The following XYLT1 variants were observed in gnomAD, a reference collection of about 807,000 sequenced individuals.
XYLT1 encodes xylosyltransferase 1.
In XYLT1, 36 loss-of-function variants were observed where a neutral mutation model predicts 91.3. That is an observed-to-expected ratio of 0.39 (90% CI 0.30 to 0.52). The LOEUF is 0.52. Ranked by LOEUF, XYLT1 falls within the 20% of genes least tolerant of loss-of-function variation. The pLI is 0.68. For missense variants in XYLT1, 1,242 were observed against 1,284.5 expected (o/e 0.97, Z 0.51); for synonymous variants, 588 against 532.0 (o/e 1.11, Z -1.45).
chr16:17,111,698 G>A (rs533230397), intron 11 of XYLT1, among the ~76,000 whole-genome samples: 15 of 152,306 alleles, frequency 9.8e-5, no homozygotes, highest in Non-Finnish European at 1.8e-4. Flanking sequence ...AGACAAGATC[G>A]CCACTCCTTC....
At chr16:17,457,973 T>C (rs918067019) in intron 1 of XYLT1, among the ~76,000 whole-genome samples, 3 of 152,226 alleles carry the variant, frequency 2.0e-5, no homozygotes, top group Non-Finnish European at 4.4e-5. Context: ...AAAGAAAGGA[T>C]GCTTAATGAG....
At chr16:17,322,538 T>C (rs1462325343) in intron 2 of XYLT1, among the ~76,000 whole-genome samples, 2 of 152,172 alleles carry the variant, frequency 1.3e-5, no homozygotes, top group Non-Finnish European at 2.9e-5. Context: ...CTGCCTCTAA[T>C]AGAGCAATGA....
rs1053025923 is a variant in XYLT1 at position 17,353,528 on chromosome 16, G to A, written c.402+4484C>T. Among the ~76,000 whole-genome samples the A allele has an allele frequency of 2.0e-5, 3 of 152,154 alleles. No homozygotes were observed. The East Asian group carries it at 5.8e-4, about 29-fold the overall frequency. On this transcript the variant is annotated intron_variant, in intron 2 of 11. Transcript: ENST00000261381. Reference sequence around the variant, plus strand: ...ATGCGCAGGGACATGTTTTGCTTTTGTTCTTTTAAAATAAATTTTCATTCG... The same window carrying A: ...ATGCGCAGGGACATGTTTTGCTTTTATTCTTTTAAAATAAATTTTCATTCG...
intron 3 of XYLT1, among the ~76,000 whole-genome samples, chr16:17,245,462 C>A (rs972021270): frequency 1.3e-5 from 2 of 152,200 alleles, no homozygotes; most frequent in East Asian, 3.9e-4. Flanking sequence ...CTCAAAATTG[C>A]GAAGAATAAA....
At chr16:17,438,661 G>A (rs946515057) in intron 1 of XYLT1, among the ~76,000 whole-genome samples, 8 of 152,028 alleles carry the variant, frequency 5.3e-5, no homozygotes, top group South Asian at 2.1e-4. Context: ...TGTACAGGAC[G>A]CATGGCTAGG....
At chr16:17,467,403 G>A (rs942615439) in intron 1 of XYLT1, among the ~76,000 whole-genome samples, 4 of 152,018 alleles carry the variant, frequency 2.6e-5, no homozygotes, top group African/African-American at 9.7e-5. Flanking sequence ...CCTTTATAAG[G>A]GAGTCCATCT....
chr16:17,127,520 T>A, intron 10 of XYLT1, 146 bp downstream of exon 10: 1 of 998,110 alleles, frequency 1.0e-6, no homozygotes, highest in South Asian at 1.7e-5. Context: ...CCGGAGAACC[T>A]TCTTCGGGCA....
intron 2 of XYLT1, among the ~76,000 whole-genome samples, chr16:17,274,692 C>T (rs2033946004): frequency 6.6e-6 from 1 of 152,008 alleles, no homozygotes; most frequent in Non-Finnish European, 1.5e-5. Flanking sequence ...GTTTTCCAGC[C>T]TCATCTTGAG....
intron 1 of XYLT1, among the ~76,000 whole-genome samples, chr16:17,370,332 G>A (rs571064864): frequency 2.6e-5 from 4 of 152,318 alleles, no homozygotes; most frequent in South Asian, 4.1e-4. Context: ...AGCTTACAAC[G>A]ATCCGCTTTC....
At chr16:17,373,742 G>T (rs1421563342) in intron 1 of XYLT1, among the ~76,000 whole-genome samples, 1 of 152,178 alleles carries the variant, frequency 6.6e-6, no homozygotes, top group African/African-American at 2.4e-5. Context: ...TATGCCATGT[G>T]CCCAAAGTCA....
chr16:17,198,229 C>T lies in XYLT1; in HGVS notation c.1272G>A (p.Ala424=), dbSNP rs144531370. The T allele has an allele frequency of 7.5e-4, 1,216 of 1,614,126 alleles. 14 individuals carry two copies. In the South Asian group the frequency reaches 8.0e-3, roughly 11 times the overall value. Residue 424 remains alanine, a synonymous_variant, in exon 5 of 12, where the codon GCG becomes GCA. Coordinates refer to ENST00000261381, the MANE Select transcript of XYLT1 (RefSeq NM_022166.4). The part of the protein sequence containing the change: ...WPWDFFINLS[A]ADYPIRTNDQ... ...TGCCTTACCTGATGGGGTAGTCGGC[C>T]GCACTCAGGTTGATGAAGAAGTCCC...
intron 1 of XYLT1, among the ~76,000 whole-genome samples, chr16:17,393,697 T>G (rs904787796): frequency 9.9e-5 from 15 of 152,118 alleles, no homozygotes; most frequent in Non-Finnish European, 1.9e-4. Context: ...GAGGACTGTT[T>G]AAGCCCAGGA....
chr16:17,309,516 G>A (rs1464250898), intron 2 of XYLT1, among the ~76,000 whole-genome samples: 1 of 152,164 alleles, frequency 6.6e-6, no homozygotes. Context: ...GGGTGGGAGG[G>A]AGGCTCTTCA....
rs1199989936 is a variant in XYLT1 at position 17,108,797 on chromosome 16, G to A, written c.2778C>T (p.Ala926=). The A allele has an allele frequency of 7.4e-6, 12 of 1,611,784 alleles. No homozygotes were observed. Among genetic ancestry groups the A allele is most frequent in the Non-Finnish European group, 1.0e-5 (12 of 1,179,886 alleles). The change falls in exon 12 of 12, where the codon GCC becomes GCT. Residue 926 remains alanine, a synonymous_variant. Transcript: ENST00000261381. ...AMDICATGPT[A]CPVMQTCSQT... ...GGCTGCAGGTCTGCATGACCGGGCAGGCTGTGGGGCCCGTGGCACAGATGT... is the reference window on the plus strand; with the variant it reads ...GGCTGCAGGTCTGCATGACCGGGCAAGCTGTGGGGCCCGTGGCACAGATGT...
intron 6 of XYLT1, among the ~76,000 whole-genome samples, chr16:17,156,300 T>C (rs1290888100): frequency 1.3e-5 from 2 of 152,220 alleles, no homozygotes; most frequent in African/African-American, 4.8e-5. Flanking sequence ...AAATAGTTAA[T>C]ACTAGGGTGG....
chr16:17,420,736 A>C (rs1368143559), intron 1 of XYLT1, among the ~76,000 whole-genome samples: 1 of 152,106 alleles, frequency 6.6e-6, no homozygotes, highest in Non-Finnish European at 1.5e-5. Flanking sequence ...ATGTGTGTGC[A>C]TGTCATTTAT....
At chr16:17,160,366 A>AC (rs1036453431) in intron 5 of XYLT1, among the ~76,000 whole-genome samples, 3 of 151,548 alleles carry the variant, frequency 2.0e-5, no homozygotes, top group African/African-American at 7.3e-5. Flanking sequence ...CCTACTGCTC[A>AC]CCCCCTCCTT....
chr16:17,175,132 T>G (rs1045461453), intron 5 of XYLT1, among the ~76,000 whole-genome samples: 1 of 152,204 alleles, frequency 6.6e-6, no homozygotes, highest in Admixed American at 6.5e-5. Context: ...ATATGACAGT[T>G]GAACCCCAAA....
At chr16:17,232,429 G>GTGTGTA (rs1194509016) in intron 3 of XYLT1, among the ~76,000 whole-genome samples, 2,009 of 121,586 alleles carry the variant, frequency 0.017, 21 homozygotes, top group African/African-American at 0.024. Context: ...GTGTGTGTGT[G>GTGTGTA]TATATATATA....
Sources: allele counts gnomAD v4.1 joint callset (sites outside exome capture counted in the v4.1 genomes callset), GRCh38; gene constraint gnomAD v4.1.1; transcripts MANE v1.5; gene names NCBI Gene and HGNC (gene_info 2026-07-23, HGNC 2026-07-21).